The following SLC16A10 variants were observed in gnomAD, a reference collection of about 807,000 sequenced individuals.
SLC16A10 encodes solute carrier family 16 member 10, also known as monocarboxylate transporter 10.
In SLC16A10, 27 loss-of-function variants were observed where a neutral mutation model predicts 40.0. The observed-to-expected ratio is 0.67, with a 90% CI of 0.50 to 0.93. The LOEUF (loss-of-function observed/expected upper bound fraction) is 0.93, where lower values mean the gene tolerates loss of function less well. Among genes scored for constraint, SLC16A10 ranks in the 40% least tolerant of loss-of-function variants. The pLI, the probability that SLC16A10 is intolerant of heterozygous loss-of-function variation, is 0.00. For synonymous variants in SLC16A10, 213 were observed against 249.8 expected, an observed-to-expected ratio of 0.85 and a Z score of 1.39; for missense variants, 529 against 658.2, an observed-to-expected ratio of 0.80 and a Z score of 2.15.
intron 4 of SLC16A10, among the ~76,000 whole-genome samples, chr6:111,213,363 G>T (rs1173912772): frequency 2.6e-5 from 4 of 152,164 alleles, no homozygotes; most frequent in Non-Finnish European, 5.9e-5. Context: ...TTTCTCTAAG[G>T]TTTGAATTTT....
At chr6:111,154,768 A>G (rs920043422) in intron 1 of SLC16A10, among the ~76,000 whole-genome samples, 15 of 152,192 alleles carry the variant, frequency 9.9e-5, no homozygotes, top group South Asian at 2.1e-4. Context: ...TGAGGCGGGC[A>G]GATCACTTGA....
At chr6:111,096,247 G>A (rs1240921805) in intron 1 of SLC16A10, among the ~76,000 whole-genome samples, 1 of 152,184 alleles carries the variant, frequency 6.6e-6, no homozygotes, top group East Asian at 1.9e-4. Flanking sequence ...ATGCTGTGAT[G>A]TCATTTTTGG....
chr6:111,117,224 T>C (rs912151341), intron 1 of SLC16A10, among the ~76,000 whole-genome samples: 5 of 151,848 alleles, frequency 3.3e-5, no homozygotes, highest in Non-Finnish European at 5.9e-5. Context: ...TGGTGTTGGG[T>C]GCCTGTAGTC....
At position 111,116,480 on chromosome 6, in the gene SLC16A10, A is replaced by G. The variant is rs112710214; in HGVS notation, c.343+28385A>G. ...TGATCCACCCACCTCAGCCTCCCAAAGTGCTGGGATTACAGGCATGAGACA... is the reference window on the plus strand; with the variant it reads ...TGATCCACCCACCTCAGCCTCCCAAGGTGCTGGGATTACAGGCATGAGACA... On this transcript the variant is annotated intron_variant, in intron 1 of 5. Coordinates refer to ENST00000368851, the MANE Select transcript of SLC16A10 (RefSeq NM_018593.5). 2.5e-3 allele frequency among the ~76,000 whole-genome samples: 382 copies of G among 152,228 alleles called. 2 individuals carry two copies. The highest frequency in any genetic ancestry group is 8.7e-3 in the African/African-American group (361 of 41,542).
intron 1 of SLC16A10, among the ~76,000 whole-genome samples, chr6:111,111,239 A>C (rs1424608611): frequency 6.6e-6 from 1 of 152,246 alleles, no homozygotes; most frequent in African/African-American, 2.4e-5. Context: ...TTGACAGATA[A>C]AATTGTATAT....
intron 1 of SLC16A10, among the ~76,000 whole-genome samples, chr6:111,101,575 T>A (rs1479461548): frequency 1.3e-5 from 2 of 152,216 alleles, no homozygotes. Flanking sequence ...TGATATTCTC[T>A]TACAAAAACT....
At chr6:111,133,970 G>A (rs752289606) in intron 1 of SLC16A10, among the ~76,000 whole-genome samples, 4 of 152,290 alleles carry the variant, frequency 2.6e-5, no homozygotes, top group South Asian at 2.1e-4. Flanking sequence ...ACAAGGATTA[G>A]GACAATCCTT....
chr6:111,214,913 A>G (rs922979228), intron 4 of SLC16A10, among the ~76,000 whole-genome samples: 2 of 152,042 alleles, frequency 1.3e-5, no homozygotes, highest in African/African-American at 4.8e-5. Context: ...AGGTCAAGAG[A>G]TCAAGACCAT....
chr6:111,172,648 T>C lies in SLC16A10; in HGVS notation c.344-47T>C, dbSNP rs755423184. On this transcript the variant is annotated intron_variant, in intron 1 of 5. Transcript: ENST00000368851. ...TATATCAATGGAATAAATACAAATA[T>C]AACTTACCATGTCATAATTCCCCCC... 10 of 1,592,982 alleles carry C rather than the reference T, an allele frequency of 6.3e-6. No individual in the cohort carries two copies. The African/African-American group carries it at 1.3e-4, about 21-fold the overall frequency.
intron 1 of SLC16A10, among the ~76,000 whole-genome samples, chr6:111,100,990 C>CTATA (rs1191509816): frequency 1.5e-3 from 110 of 70,974 alleles, no homozygotes; most frequent in South Asian, 4.6e-3. Context: ...CTCTCTCTCT[C>CTATA]TCTATATATA....
At chr6:111,149,734 G>T (rs965625727) in intron 1 of SLC16A10, among the ~76,000 whole-genome samples, 1 of 152,150 alleles carries the variant, frequency 6.6e-6, no homozygotes, top group Non-Finnish European at 1.5e-5. Context: ...TTATATGGTT[G>T]TATTTTGAAT....
At chr6:111,217,510 C>A (rs932746039) in intron 4 of SLC16A10, among the ~76,000 whole-genome samples, 2 of 152,130 alleles carry the variant, frequency 1.3e-5, no homozygotes, top group Non-Finnish European at 2.9e-5. Flanking sequence ...AGTGCAGTGG[C>A]ATGATCTCGG....
Position 111,222,127 on chromosome 6 carries a change from C to A in SLC16A10, c.1440C>A (p.Ile480=), listed in dbSNP as rs1770913510. 6.2e-7 allele frequency: 1 copy of A among 1,607,390 alleles called. No individual in the cohort carries two copies. Among genetic ancestry groups the A allele is most frequent in the East Asian group, 2.2e-5 (1 of 44,698 alleles). The stretch of plus-strand genomic sequence containing the variant: ...TCCATAGTAAGAAGCAAAGAGAGAT[C>A]AGTAAAACCACTGGAAAAGAAAAGA... The part of the protein sequence containing the change: ...PWIHSKKQRE[I]SKTTGKEKME... Residue 480 remains isoleucine (I), a synonymous_variant, in exon 6 of 6, where the codon ATC becomes ATA. Transcript: ENST00000368851.
At chr6:111,098,261 A>G (rs1462877495) in intron 1 of SLC16A10, among the ~76,000 whole-genome samples, 1 of 152,122 alleles carries the variant, frequency 6.6e-6, no homozygotes, top group African/African-American at 2.4e-5. Flanking sequence ...AGCCAAGATC[A>G]TGCCATTGTA....
chr6:111,148,733 C>T (rs926127240), intron 1 of SLC16A10, among the ~76,000 whole-genome samples: 58 of 152,318 alleles, frequency 3.8e-4, no homozygotes, highest in African/African-American at 1.3e-3. Flanking sequence ...CTTCCTCCAC[C>T]CTGTGTCTGT....
At chr6:111,160,267 C>G (rs909628707) in intron 1 of SLC16A10, among the ~76,000 whole-genome samples, 1 of 152,208 alleles carries the variant, frequency 6.6e-6, no homozygotes, top group African/African-American at 2.4e-5. Context: ...GAGACAGAGT[C>G]TCACTCTGTT....
At chr6:111,201,087 C>T (rs1773161172) in intron 3 of SLC16A10, among the ~76,000 whole-genome samples, 1 of 152,156 alleles carries the variant, frequency 6.6e-6, no homozygotes, top group African/African-American at 2.4e-5. Context: ...CCCCTCCCTC[C>T]CCTGAAGAGT....
intron 1 of SLC16A10, among the ~76,000 whole-genome samples, chr6:111,109,182 G>A (rs1771340414): frequency 6.6e-6 from 1 of 152,106 alleles, no homozygotes; most frequent in Admixed American, 6.5e-5. Flanking sequence ...TCATAATATA[G>A]TGTGTCCATC....
rs1770960217 is a variant in SLC16A10, at chr6:111,224,755, A to G, written c.*2520A>G. 6.6e-6 allele frequency: 1 copy of G among 152,216 alleles called. No individual in the cohort carries two copies. The highest frequency in any genetic ancestry group is 1.5e-5 in the Non-Finnish European group (1 of 68,048). 9.4% of individuals were successfully genotyped at this position (152,216 alleles called of 1,614,324 possible). On this transcript the variant is annotated 3_prime_UTR_variant, in exon 6 of 6. Transcript: ENST00000368851. ...AAAGAAAATGAAAAATACTAATATA[A>G]AAATTTGTGCTTTAATCTAGTCAAA...
Sources: gnomAD v4.1 joint callset for allele counts (sites outside exome capture counted in the v4.1 genomes callset) on GRCh38, gnomAD v4.1.1 for gene constraint, MANE v1.5 for transcripts, NCBI Gene and HGNC (gene_info 2026-07-23, HGNC 2026-07-21) for gene names.